FSTL4: variants seen among roughly 807,000 people sequenced by gnomAD.
FSTL4 encodes the protein follistatin-related protein 4.
In FSTL4, 28 loss-of-function variants were observed where a neutral mutation model predicts 78.2. That is an observed-to-expected ratio of 0.36 (90% CI 0.27 to 0.49). FSTL4 has a LOEUF of 0.49. Ranked by LOEUF, FSTL4 falls within the 20% of genes least tolerant of loss-of-function variation. FSTL4 has a pLI of 0.98. For synonymous variants in FSTL4, 422 were observed against 440.5 expected, an observed-to-expected ratio of 0.96 and a Z score of 0.53; for missense variants, 922 against 1,084.9, an observed-to-expected ratio of 0.85 and a Z score of 2.11.
At chr5:133,469,199 C>T (rs1286186095) in intron 3 of FSTL4, among the ~76,000 whole-genome samples, 2 of 152,070 alleles carry the variant, frequency 1.3e-5, no homozygotes, top group Admixed American at 6.5e-5. Context: ...CCCTCAGGAC[C>T]GGATTGTGAA....
chr5:133,478,862 T>C (rs944049244), intron 3 of FSTL4, among the ~76,000 whole-genome samples: 1 of 151,258 alleles, frequency 6.6e-6, no homozygotes, highest in Non-Finnish European at 1.5e-5. Flanking sequence ...AAGCGAGGAG[T>C]CCTTCACTGA....
At chr5:133,314,768 C>T (rs1753863577) in intron 5 of FSTL4, among the ~76,000 whole-genome samples, 1 of 151,942 alleles carries the variant, frequency 6.6e-6, no homozygotes, top group Non-Finnish European at 1.5e-5. Flanking sequence ...GAATAATAGT[C>T]GTCCCCTCCT....
intron 3 of FSTL4, among the ~76,000 whole-genome samples, chr5:133,509,286 T>G (rs549543792): frequency 2.0e-5 from 3 of 152,130 alleles, no homozygotes; most frequent in Non-Finnish European, 4.4e-5. Flanking sequence ...TCCTCTGGGC[T>G]CTGGATTCTC....
the FSTL4 span, among the ~76,000 whole-genome samples, chr5:133,625,859 C>CAT: frequency 6.0e-4 from 6 of 9,920 alleles, no homozygotes; most frequent in African/African-American, 8.1e-4. Context: ...ATATATATTC[C>CAT]ATATATATAT....
At chr5:133,745,687 G>T in the FSTL4 span, among the ~76,000 whole-genome samples, 1 of 152,206 alleles carries the variant, frequency 6.6e-6, no homozygotes, top group South Asian at 2.1e-4. Flanking sequence ...GGCCAGAGCT[G>T]CCTGGTAGAT....
chr5:133,384,664 C>G (rs988788177), intron 4 of FSTL4, among the ~76,000 whole-genome samples: 1 of 152,202 alleles, frequency 6.6e-6, no homozygotes, highest in Admixed American at 6.5e-5. Flanking sequence ...CTGCTGGGCC[C>G]CTGCCTCCAG....
chr5:133,352,255 TATATATATACACAC>T (rs572337954), intron 4 of FSTL4, among the ~76,000 whole-genome samples: 51,991 of 140,580 alleles, frequency 0.37, 10,202 homozygotes, highest in Non-Finnish European at 0.44. Flanking sequence ...TATACACACA[TATATATATACACAC>T]ATATATATAT....
chr5:133,749,604 T>C, the FSTL4 span, among the ~76,000 whole-genome samples: 4,648 of 152,298 alleles, frequency 0.031, 96 homozygotes, highest in Non-Finnish European at 0.043. Context: ...CCTAATAACA[T>C]GTTCACATTT....
chr5:133,224,708 T>C (rs965517176), intron 10 of FSTL4, among the ~76,000 whole-genome samples: 1 of 152,214 alleles, frequency 6.6e-6, no homozygotes, highest in Non-Finnish European at 1.5e-5. Context: ...GCAGTGGTTA[T>C]GAGGAGAGCA....
intron 3 of FSTL4, among the ~76,000 whole-genome samples, chr5:133,497,132 G>A (rs1458406811): frequency 2.6e-5 from 4 of 152,186 alleles, no homozygotes; most frequent in South Asian, 2.1e-4. Context: ...CACTGCCCAC[G>A]GTGCCCAGCT....
chr5:133,454,993 C>A (rs894402485), intron 3 of FSTL4, among the ~76,000 whole-genome samples: 1 of 152,228 alleles, frequency 6.6e-6, no homozygotes, highest in Non-Finnish European at 1.5e-5. Flanking sequence ...TGACTCGGTG[C>A]CCCACTCCCA....
At chr5:133,298,909 G>T (rs1358936649) in intron 6 of FSTL4, among the ~76,000 whole-genome samples, 1 of 152,246 alleles carries the variant, frequency 6.6e-6, no homozygotes, top group African/African-American at 2.4e-5. Flanking sequence ...AGCCTTTGTG[G>T]TTGTGCCATT....
At chr5:133,817,980 C>A in the FSTL4 span, among the ~76,000 whole-genome samples, 5 of 152,224 alleles carry the variant, frequency 3.3e-5, no homozygotes, top group African/African-American at 4.8e-5. Context: ...AATCTGGATT[C>A]AAACCCATAT....
Position 133,401,116 on chromosome 5 carries a change from G to C in FSTL4, c.161-130C>G. Reference sequence around the variant, plus strand: ...GCCAAGCTACTCAAGGTGGGGCCTGGGGGCTTGGGGTCTCCTAGGGAGTCC... The same window carrying C: ...GCCAAGCTACTCAAGGTGGGGCCTGCGGGCTTGGGGTCTCCTAGGGAGTCC... On this transcript the variant is annotated intron_variant, in intron 3 of 15. Transcript: ENST00000265342. 3.0e-6 allele frequency: 3 copies of C among 997,968 alleles called. No homozygotes were observed. The South Asian group carries it at 4.6e-5, about 15-fold the overall frequency. 61.8% of individuals were successfully genotyped at this position (997,968 alleles called of 1,614,324 possible). A position where few individuals can be genotyped will look rare whatever the true frequency, so the allele number is the denominator to read the frequency against.
intron 11 of FSTL4, among the ~76,000 whole-genome samples, chr5:133,222,165 G>A (rs1488180457): frequency 6.6e-6 from 1 of 151,980 alleles, no homozygotes; most frequent in Non-Finnish European, 1.5e-5. Context: ...GCTGAGACAG[G>A]CTCTGGGCAG....
At chr5:133,216,532 G>C (rs1450280358) in intron 13 of FSTL4, among the ~76,000 whole-genome samples, 1 of 152,158 alleles carries the variant, frequency 6.6e-6, no homozygotes, top group East Asian at 1.9e-4. Context: ...TGTATTTTTA[G>C]TAGAGACGGG....
At chr5:133,365,775 C>A (rs1459435845) in intron 4 of FSTL4, among the ~76,000 whole-genome samples, 1 of 152,254 alleles carries the variant, frequency 6.6e-6, no homozygotes, top group Non-Finnish European at 1.5e-5. Flanking sequence ...AACAAAGTAT[C>A]TTCAACATGT....
At chr5:133,789,000 C>T in the FSTL4 span, among the ~76,000 whole-genome samples, 1 of 152,314 alleles carries the variant, frequency 6.6e-6, no homozygotes. Context: ...CTCTCTGCTC[C>T]TCCTTCAAAA....
chr5:133,759,588 C>G, the FSTL4 span, among the ~76,000 whole-genome samples: 1 of 152,188 alleles, frequency 6.6e-6, no homozygotes, highest in African/African-American at 2.4e-5. Context: ...GTGATATATA[C>G]AAATATAGCA....
Sources: allele counts gnomAD v4.1 joint callset (sites outside exome capture counted in the v4.1 genomes callset), GRCh38; gene constraint gnomAD v4.1.1; transcripts MANE v1.5; gene names NCBI Gene and HGNC (gene_info 2026-07-23, HGNC 2026-07-21).